Variants in IGSF9B observed in about 807,000 individuals in gnomAD.
IGSF9B encodes immunoglobulin superfamily member 9B, also known as protein turtle homolog B.
In IGSF9B, 48 loss-of-function variants were observed where a neutral mutation model predicts 143.7. The ratio of observed to expected loss-of-function variants is 0.33; its 90% CI spans 0.26 to 0.42. The LOEUF (loss-of-function observed/expected upper bound fraction) is 0.42. IGSF9B is among the 20% of genes least tolerant of loss of function. The pLI is 1.00. For synonymous variants in IGSF9B, 903 were observed against 833.1 expected (o/e 1.08, Z -1.44); for missense variants, 1,706 against 1,980.0 (o/e 0.86, Z 2.63).
Position 133,946,080 on chromosome 11 carries a change from G to A in IGSF9B, c.243C>T (p.His81=), listed in dbSNP as rs372311737. The change falls in exon 2 of 20, where the codon CAC becomes CAT. Residue 81 remains histidine (H), a synonymous_variant. Coordinates refer to ENST00000533871, the MANE Select transcript of IGSF9B (RefSeq NM_001277285.4). The part of the protein sequence containing the change: ...IFIKFGYYPP[H]VDPEYAGRAS... ...CCTTACCTGCATACTCAGGGTCCAC[G>A]TGCGGCGGGTAGTAGCCAAACTTGA... The A allele has an allele frequency of 2.8e-5, 44 of 1,590,462 alleles. No homozygotes were observed. Among genetic ancestry groups the A allele is most frequent in the East Asian group, 4.6e-5 (2 of 43,792 alleles).
chr11:133,956,086 T>G (rs1487814293), intron 1 of IGSF9B, among the ~76,000 whole-genome samples: 2 of 151,946 alleles, frequency 1.3e-5, no homozygotes, highest in Non-Finnish European at 2.9e-5. Context: ...GCCTCATCAA[T>G]CCTCCTCTCA....
Position 133,950,457 on chromosome 11 carries a change from C to T in IGSF9B, c.65-4199G>A, listed in dbSNP as rs1365863961. 2.6e-5 allele frequency among the ~76,000 whole-genome samples: 4 copies of T among 152,232 alleles called. No individual in the cohort carries two copies. In the East Asian group the frequency reaches 7.7e-4, roughly 29 times the overall value. On this transcript the variant is annotated intron_variant, in intron 1 of 19. Transcript: ENST00000533871. ...TGAAAAATGAGCAAACGGGGAGTTG[C>T]GCCGCTCACCCAAAGTTACTAGGTT...
rs762651044 is a variant in IGSF9B, at chr11:133,903,699, G to A, written c.*5370C>T. On this transcript the variant is annotated 3_prime_UTR_variant, in exon 20 of 20. Transcript: ENST00000533871. ...GGTTGAAAAAAACTTCCACCTTCTC[G>A]GCAACCCAACACACAGAACATCTGG... Among the ~76,000 whole-genome samples the A allele has an allele frequency of 4.6e-5, 7 of 152,048 alleles. No individual in the cohort carries two copies. Among genetic ancestry groups the A allele is most frequent in the African/African-American group, 1.2e-4 (5 of 41,392 alleles).
chr11:133,910,225 G>A (rs560649044), intron 19 of IGSF9B, among the ~76,000 whole-genome samples: 2 of 152,348 alleles, frequency 1.3e-5, no homozygotes, highest in South Asian at 4.1e-4. Flanking sequence ...GCCTGCACGT[G>A]TGTGTTCGTA....
Position 133,920,662 on chromosome 11 carries a change from G to A in IGSF9B, c.3063C>T (p.Ser1021=), listed in dbSNP as rs1939511064. 2 of 1,613,528 alleles carry A rather than the reference G, an allele frequency of 1.2e-6. No individual in the cohort carries two copies. The highest frequency in any genetic ancestry group is 1.7e-6 in the Non-Finnish European group (2 of 1,179,824). ...TIPEENGENA[S]NSTLPLTQTP... is the part of the protein sequence containing the mutation. The stretch of plus-strand genomic sequence containing the variant: ...TCTGAGTCAAGGGCAGCGTGCTGTT[G>A]GATGCATTCTCTCCATTCTCCTCGG... The change falls in exon 18 of 20, where the codon TCC becomes TCT. Residue 1021 remains serine, a synonymous_variant. Transcript: ENST00000533871.
In IGSF9B at chr11:133,948,085, G is replaced by GTGTC. The variant is rs1555098853; in HGVS notation, c.65-1828_65-1827insGACA. ...TGTGTGTGTGTGTGTGTGTGTGTGT[G>GTGTC]TGTGTCTGTGTGTGTTTCGGTTGGC... is the stretch of plus-strand genomic sequence containing the variant. On this transcript the variant is annotated intron_variant, in intron 1 of 19. Transcript: ENST00000533871. This position sits in a 1 kb window ranked among gnomAD's most constrained non-coding sequence, Gnocchi z 4.7. 8.4e-3 allele frequency among the ~76,000 whole-genome samples: 1,255 copies of GTGTC among 149,698 alleles called. 10 individuals are homozygous for GTGTC. Among genetic ancestry groups the GTGTC allele is most frequent in the East Asian group, 0.021 (104 of 4,942 alleles).
rs547079528 is a variant in IGSF9B at position 133,909,099 on chromosome 11, G to A, written c.4284C>T (p.His1428=). The change falls in exon 20 of 20, where the codon CAC becomes CAT. Residue 1428 remains histidine (H), a synonymous_variant. Coordinates refer to ENST00000533871, the MANE Select transcript of IGSF9B (RefSeq NM_001277285.4). This position sits in a 1 kb window ranked among gnomAD's most constrained non-coding sequence, Gnocchi z 4.2. ...DQTAILNSVD[H]DDPGHATLL ...GCAAAGTGGCATGTCCTGGGTCATC[G>A]TGGTCCACACTGTTGAGAATCGCTG... is the stretch of plus-strand genomic sequence containing the variant. 1,084 of 1,535,914 alleles carry A rather than the reference G, an allele frequency of 7.1e-4. No homozygotes were observed. The highest frequency in any genetic ancestry group is 8.7e-4 in the Non-Finnish European group (995 of 1,146,740).
At position 133,924,865 on chromosome 11, in the gene IGSF9B, C is replaced by A. The variant is rs768834718; in HGVS notation, c.2074G>T (p.Asp692Tyr). 2.2e-5 allele frequency: 35 copies of A among 1,613,646 alleles called. 2 individuals are homozygous for A. The South Asian group carries it at 3.8e-4, about 18-fold the overall frequency. Residue 692 changes from aspartate to tyrosine, a missense_variant, in exon 15 of 20, where the codon GAT (aspartate) becomes TAT (tyrosine). Coordinates refer to ENST00000533871, the MANE Select transcript of IGSF9B (RefSeq NM_001277285.4). ...YEFRVLAVMQ[D>Y]LISEPSNIAG... The stretch of plus-strand genomic sequence containing the variant: ...ATGTTGCTGGGCTCGCTGATCAGAT[C>A]CTGCATGACGGCCAGAACCCGGAAC...
intron 3 of IGSF9B, among the ~76,000 whole-genome samples, chr11:133,943,432 A>G (rs1244138650): frequency 3.9e-5 from 6 of 152,102 alleles, no homozygotes; most frequent in African/African-American, 1.4e-4. Context: ...CACAAAGAGG[A>G]GACTCTCCCT....
At chr11:133,935,222 T>C (rs959372334) in intron 7 of IGSF9B, among the ~76,000 whole-genome samples, 4 of 152,130 alleles carry the variant, frequency 2.6e-5, no homozygotes, top group African/African-American at 9.7e-5. Flanking sequence ...AACCTAACCC[T>C]GCATGGGCCT....
Position 133,953,695 on chromosome 11 carries a change from C to T in IGSF9B, c.64+2996G>A, listed in dbSNP as rs1472053985. On this transcript the variant is annotated intron_variant, in intron 1 of 19. Transcript: ENST00000533871. This position sits in a 1 kb window ranked among gnomAD's most constrained non-coding sequence, Gnocchi z 4.2. Reference sequence around the variant, plus strand: ...ATCTGTGGCAGACAGAGGAGGCAGCCGTGGGAGTAAAGTCTGGGACTTTCC... The same window carrying T: ...ATCTGTGGCAGACAGAGGAGGCAGCTGTGGGAGTAAAGTCTGGGACTTTCC... Among the ~76,000 whole-genome samples the T allele has an allele frequency of 2.0e-5, 3 of 152,182 alleles. No individual in the cohort carries two copies. Among genetic ancestry groups the T allele is most frequent in the African/African-American group, 4.8e-5 (2 of 41,434 alleles).
At chr11:133,919,490 CGA>C (rs1473257985) in intron 18 of IGSF9B, among the ~76,000 whole-genome samples, 2 of 152,344 alleles carry the variant, frequency 1.3e-5, no homozygotes, top group Non-Finnish European at 2.9e-5. Flanking sequence ...GTGCGCCCGC[CGA>C]GAGCTCAGGG....
chr11:133,929,587 C>T (rs1401868256), intron 12 of IGSF9B, 84 bp downstream of exon 12: 16 of 1,018,498 alleles, frequency 1.6e-5, no homozygotes, highest in Non-Finnish European at 2.4e-5. Flanking sequence ...CCTACCTCCC[C>T]CCACCCGGGG....
intron 18 of IGSF9B, among the ~76,000 whole-genome samples, chr11:133,917,918 C>A (rs1939420053): frequency 6.6e-6 from 1 of 152,042 alleles, no homozygotes; most frequent in East Asian, 1.9e-4. Context: ...GTGTTCTGGG[C>A]CCCTTCGGGG....
At position 133,946,192 on chromosome 11, in the gene IGSF9B, C is replaced by G. The variant is rs377720540; in HGVS notation, c.131G>C (p.Arg44Pro). The part of the protein sequence containing the change: ...TARAGESVVL[R>P]CDVIHPVTGQ... ...CGTCACTGGGTGGATCACGTCGCAT[C>G]GCAGGACCACGCTCTCCCCAGCTCT... The change falls in exon 2 of 20, where the codon CGA becomes CCA. Residue 44 changes from arginine to proline, a missense_variant. Physicochemically the swap from Arg to Pro is moderately radical, Grantham distance 103. This residue lies in a region of IGSF9B where 171 missense variants were observed against 213.9 expected (regional missense o/e 0.80). Transcript: ENST00000533871. The G allele has an allele frequency of 6.2e-7, 1 of 1,613,644 alleles. No homozygotes were observed. The highest frequency in any genetic ancestry group is 1.7e-5 in the Admixed American group (1 of 59,982).
At position 133,931,061 on chromosome 11, in the gene IGSF9B, T is replaced by C; in HGVS notation, c.1442A>G (p.Glu481Gly). The C allele has an allele frequency of 6.2e-7, 1 of 1,613,770 alleles. No homozygotes were observed. The highest frequency in any genetic ancestry group is 8.5e-7 in the Non-Finnish European group (1 of 1,179,810). Residue 481 changes from glutamate to glycine, a missense_variant, in exon 11 of 20, where the codon GAG (glutamate) becomes GGG (glycine). By Grantham distance (98) the Glu-to-Gly change is moderately conservative. Coordinates refer to ENST00000533871, the MANE Select transcript of IGSF9B (RefSeq NM_001277285.4). This position sits in a 1 kb window ranked among gnomAD's most constrained non-coding sequence, Gnocchi z 7.7. ...GSLQFRALSK[E>G]DHGEWECVAT... ...GACACATTCCCACTCCCCGTGGTCC[T>C]CCTTACTCAGGGCACGGAACTGCAG...
chr11:133,938,603 C>G (rs993170705), intron 3 of IGSF9B, among the ~76,000 whole-genome samples: 1 of 152,162 alleles, frequency 6.6e-6, no homozygotes, highest in Non-Finnish European at 1.5e-5. Flanking sequence ...TTTGGGTAAT[C>G]GGCTTTTCAC....
At position 133,928,280 on chromosome 11, in the gene IGSF9B, G is replaced by C. The variant is rs2121305077; in HGVS notation, c.1632-1189C>G. On this transcript the variant is annotated intron_variant, in intron 12 of 19. Transcript: ENST00000533871. The surrounding 1 kb of genome is among the most constrained non-coding windows in gnomAD (Gnocchi z 4.7). ...AGCAGCCACCGGGCAGGCTGGTTAG[G>C]GCCCCCACGCTGCTGCGGGAGGAAC... Among the ~76,000 whole-genome samples, 1 of 152,268 alleles carries C rather than the reference G, an allele frequency of 6.6e-6. No homozygotes were observed. Among genetic ancestry groups the C allele is most frequent in the Non-Finnish European group, 1.5e-5 (1 of 68,020 alleles).
Position 133,909,120 on chromosome 11 carries a change from C to A in IGSF9B, c.4263G>T (p.Ala1421=). The A allele has an allele frequency of 6.5e-7, 1 of 1,535,886 alleles. No individual in the cohort carries two copies. Among genetic ancestry groups the A allele is most frequent in the Non-Finnish European group, 8.7e-7 (1 of 1,146,740 alleles). The part of the protein sequence containing the change: ...CHRQLPEDQT[A]ILNSVDHDDP... ...CATCGTGGTCCACACTGTTGAGAATCGCTGTCTGGTCTTCCGGAAGCTGGC... is the reference window on the plus strand; with the variant it reads ...CATCGTGGTCCACACTGTTGAGAATAGCTGTCTGGTCTTCCGGAAGCTGGC... Residue 1421 remains alanine, a synonymous_variant, in exon 20 of 20, where the codon GCG becomes GCT. Coordinates refer to ENST00000533871, the MANE Select transcript of IGSF9B (RefSeq NM_001277285.4). The surrounding 1 kb of genome is among the most constrained non-coding windows in gnomAD (Gnocchi z 4.2).
Sources: gnomAD v4.1 joint callset for allele counts (sites outside exome capture counted in the v4.1 genomes callset) on GRCh38, gnomAD v4.1.1 for gene constraint, gnomAD v4.1.1 regional missense constraint, Gnocchi (gnomAD v3.1) non-coding constraint, MANE v1.5 for transcripts, NCBI Gene and HGNC (gene_info 2026-07-23, HGNC 2026-07-21) for gene names.